RHBDD2: variants seen among roughly 807,000 people sequenced by gnomAD.
RHBDD2 encodes the protein rhomboid domain containing 2.
RHBDD2 carries 13 observed loss-of-function variants against 21.7 expected under a neutral mutation model. The ratio of observed to expected loss-of-function variants is 0.60; its 90% CI spans 0.39 to 0.95. The LOEUF (loss-of-function observed/expected upper bound fraction) is 0.95. RHBDD2 is among the 40% of genes least tolerant of loss of function. The pLI is 0.00. For missense variants in RHBDD2, 473 were observed against 478.9 expected, an observed-to-expected ratio of 0.99 and a Z score of 0.11; for synonymous variants, 225 against 220.0, an observed-to-expected ratio of 1.02 and a Z score of -0.20.
chr7:75,879,108 G>A lies in RHBDD2; in HGVS notation c.26G>A (p.Arg9His). 7.3e-7 allele frequency: 1 copy of A among 1,369,880 alleles called. No homozygotes were observed. Among genetic ancestry groups the A allele is most frequent in the Non-Finnish European group, 9.5e-7 (1 of 1,053,490 alleles). The allele number at this position is 1,369,880 out of a possible 1,614,324, so 84.9% of individuals were successfully genotyped here. The stretch of plus-strand genomic sequence containing the variant: ...ATGGCGGCCTCGGGGCCCGGGTGTC[G>A]CAGCTGGTGCTTGTGTCCCGAGGTG... MAASGPGC[R>H]SWCLCPEVPS... The change falls in exon 1 of 4, where the codon CGC becomes CAC. Residue 9 changes from arginine (R) to histidine (H), a missense_variant. Arg to His is a conservative substitution (Grantham distance 29, BLOSUM62 0). Coordinates refer to ENST00000006777, the MANE Select transcript of RHBDD2 (RefSeq NM_001040456.3).
chr7:75,879,604 C>T (rs782588898), intron 1 of RHBDD2, among the ~76,000 whole-genome samples: 33 of 152,068 alleles, frequency 2.2e-4, no homozygotes, highest in Non-Finnish European at 4.6e-4. Flanking sequence ...TTTCGTCTCC[C>T]CCTCCCATTT....
At chr7:75,884,295 C>T (rs1020669951) in intron 3 of RHBDD2, among the ~76,000 whole-genome samples, 3 of 152,068 alleles carry the variant, frequency 2.0e-5, no homozygotes, top group African/African-American at 7.2e-5. Context: ...GATCATAGCC[C>T]GCTACAGCCT....
At chr7:75,880,904 T>C (rs958623263) in intron 1 of RHBDD2, among the ~76,000 whole-genome samples, 1 of 152,038 alleles carries the variant, frequency 6.6e-6, no homozygotes, top group Non-Finnish European at 1.5e-5. Context: ...TTTTAAATTT[T>C]TTTTAAAGAC....
Position 75,888,271 on chromosome 7 carries a change from T to C in RHBDD2, c.1017T>C (p.Pro339=), listed in dbSNP as rs1358685308. 6.2e-6 allele frequency: 10 copies of C among 1,613,424 alleles called. No individual in the cohort carries two copies. The highest frequency in any genetic ancestry group is 8.5e-6 in the Non-Finnish European group (10 of 1,179,984). ...GIQPPTPVNS[P]GTVYSGALGT... ...AGCCCCCCACGCCTGTGAACAGCCC[T>C]GGCACGGTGTATTCTGGGGCCTTGG... Residue 339 remains proline, a synonymous_variant, in exon 4 of 4, where the codon CCT becomes CCC. Coordinates refer to ENST00000006777, the MANE Select transcript of RHBDD2 (RefSeq NM_001040456.3).
chr7:75,882,547 ACTC>A (rs1442405757), intron 2 of RHBDD2, among the ~76,000 whole-genome samples: 2 of 150,202 alleles, frequency 1.3e-5, no homozygotes, highest in African/African-American at 4.9e-5. Context: ...CTGGTCTTGA[ACTC>A]CTGGTCTCAG....
chr7:75,888,563 C>A lies in RHBDD2; in HGVS notation c.*214C>A. ...CAGATGCAGAAAGCGAGACGTTCTG[C>A]CATCAGATAAAGTCACGTGGCTCTT... On this transcript the variant is annotated 3_prime_UTR_variant, in exon 4 of 4. Transcript: ENST00000006777. 1 of 532,778 alleles carries A rather than the reference C, an allele frequency of 1.9e-6. No homozygotes were observed. Among genetic ancestry groups the A allele is most frequent in the Non-Finnish European group, 3.3e-6 (1 of 300,188 alleles). The allele number at this position is 532,778 out of a possible 1,614,324, so 33.0% of individuals were successfully genotyped here. A position where few individuals can be genotyped will look rare whatever the true frequency, so the allele number is the denominator to read the frequency against.
intron 2 of RHBDD2, 131 bp from the exon 3 acceptor site, chr7:75,883,565 ACT>A (rs1480269409): frequency 1.3e-6 from 1 of 752,644 alleles, no homozygotes; most frequent in East Asian, 2.6e-5. Context: ...TGAGCTGCAA[ACT>A]CCAGCCAGAG....
At chr7:75,887,920 A>G (rs1012261594) in intron 3 of RHBDD2, 72 bp from the exon 4 acceptor site, 45 of 1,332,384 alleles carry the variant, frequency 3.4e-5, no homozygotes, top group East Asian at 4.6e-5. Flanking sequence ...AGCGGGGGCA[A>G]CCTCAAGCAC....
In RHBDD2 at chr7:75,888,570, A is replaced by G. The variant is rs1360739167; in HGVS notation, c.*221A>G. 1.9e-6 allele frequency: 1 copy of G among 526,320 alleles called. No individual in the cohort carries two copies. Among genetic ancestry groups the G allele is most frequent in the African/African-American group, 1.9e-5 (1 of 52,736 alleles). 32.6% of individuals were successfully genotyped at this position (526,320 alleles called of 1,614,324 possible). A position where few individuals can be genotyped will look rare whatever the true frequency, so the allele number is the denominator to read the frequency against. ...AGAAAGCGAGACGTTCTGCCATCAG[A>G]TAAAGTCACGTGGCTCTTTAGTAAC... On this transcript the variant is annotated 3_prime_UTR_variant, in exon 4 of 4. Coordinates refer to ENST00000006777, the MANE Select transcript of RHBDD2 (RefSeq NM_001040456.3).
chr7:75,883,969 A>AC, intron 3 of RHBDD2, 121 bp downstream of exon 3: 1 of 693,516 alleles, frequency 1.4e-6, no homozygotes, highest in Non-Finnish European at 2.3e-6. Flanking sequence ...ATCTCGGCTC[A>AC]CTGCAACCTC....
chr7:75,883,679 C>G lies in RHBDD2; in HGVS notation c.587-19C>G. On this transcript the variant is annotated intron_variant, in intron 2 of 3. Transcript: ENST00000006777. ...CCTCCCTTTGCTGCCTCCAGTTTCA[C>G]TTAACACGCCAACCTCAGATGGCCT... 1.2e-6 allele frequency: 2 copies of G among 1,610,770 alleles called. No homozygotes were observed. Among genetic ancestry groups the G allele is most frequent in the Non-Finnish European group, 1.7e-6 (2 of 1,178,202 alleles).
intron 3 of RHBDD2, among the ~76,000 whole-genome samples, chr7:75,886,325 A>T (rs1307018918): frequency 2.6e-5 from 4 of 152,202 alleles, no homozygotes; most frequent in African/African-American, 9.6e-5. Context: ...GCTTCAGGCA[A>T]GTAATTCCTG....
At chr7:75,883,869 G>C (rs782311390) in intron 3 of RHBDD2, 21 bp downstream of exon 3, 1 of 1,571,604 alleles carries the variant, frequency 6.4e-7, no homozygotes, top group South Asian at 1.2e-5. Flanking sequence ...GAACTCTTAA[G>C]TGCTGTTAAA....
Position 75,879,058 on chromosome 7 carries a change from G to T in RHBDD2, c.-25G>T. Reference sequence around the variant, plus strand: ...CAGAGGACCGGCAGCCGGCGTCGAGGCGGGGCGCGGGAACGACGGCGGCCA... The same window carrying T: ...CAGAGGACCGGCAGCCGGCGTCGAGTCGGGGCGCGGGAACGACGGCGGCCA... On this transcript the variant is annotated 5_prime_UTR_variant, in exon 1 of 4. Coordinates refer to ENST00000006777, the MANE Select transcript of RHBDD2 (RefSeq NM_001040456.3). 7.3e-7 allele frequency: 1 copy of T among 1,367,286 alleles called. No individual in the cohort carries two copies. The highest frequency in any genetic ancestry group is 3.1e-5 in the East Asian group (1 of 32,050). 84.7% of individuals were successfully genotyped at this position (1,367,286 alleles called of 1,614,324 possible).
chr7:75,882,706 TA>T (rs782619074), intron 2 of RHBDD2, among the ~76,000 whole-genome samples: 1 of 152,160 alleles, frequency 6.6e-6, no homozygotes, highest in Non-Finnish European at 1.5e-5. Context: ...AATGCTGTAT[TA>T]GGGGCTCTAG....
chr7:75,887,604 G>A (rs1247016709), intron 3 of RHBDD2, among the ~76,000 whole-genome samples: 1 of 152,092 alleles, frequency 6.6e-6, no homozygotes, highest in Non-Finnish European at 1.5e-5. Flanking sequence ...GATTGCAGGT[G>A]TGAGCCACCA....
chr7:75,884,933 A>C (rs1202513886), intron 3 of RHBDD2, among the ~76,000 whole-genome samples: 5 of 152,080 alleles, frequency 3.3e-5, no homozygotes, highest in Admixed American at 2.6e-4. Context: ...GGCCAACGTG[A>C]TGAAACCCCA....
At position 75,883,739 on chromosome 7, in the gene RHBDD2, G is replaced by A. The variant is rs782273264; in HGVS notation, c.628G>A (p.Val210Met). 2 of 1,613,784 alleles carry A rather than the reference G, an allele frequency of 1.2e-6. No individual in the cohort carries two copies. The highest frequency in any genetic ancestry group is 1.7e-6 in the Non-Finnish European group (2 of 1,179,812). Residue 210 changes from valine (V) to methionine (M), a missense_variant, in exon 3 of 4, where the codon GTG (valine) becomes ATG (methionine). Transcript: ENST00000006777. ...CTATTCCATCGACCTCTCAGAGCGA[G>A]TGGCACTGAAGCTCGATCAGACCTT... ...YCYSIDLSER[V>M]ALKLDQTFPF... is the part of the protein sequence containing the mutation.
Position 75,883,743 on chromosome 7 carries a change from C to G in RHBDD2, c.632C>G (p.Ala211Gly). The G allele has an allele frequency of 6.2e-7, 1 of 1,613,684 alleles. No individual in the cohort carries two copies. The highest frequency in any genetic ancestry group is 8.5e-7 in the Non-Finnish European group (1 of 1,179,720). ...TCCATCGACCTCTCAGAGCGAGTGG[C>G]ACTGAAGCTCGATCAGACCTTCCCC... ...CYSIDLSERV[A>G]LKLDQTFPFS... Residue 211 changes from alanine to glycine, a missense_variant, in exon 3 of 4, where the codon GCA becomes GGA. Ala to Gly is a moderately conservative substitution (Grantham distance 60, BLOSUM62 0). Transcript: ENST00000006777.
Sources: allele counts gnomAD v4.1 joint callset (sites outside exome capture counted in the v4.1 genomes callset), GRCh38; gene constraint gnomAD v4.1.1; transcripts MANE v1.5; gene names NCBI Gene and HGNC (gene_info 2026-07-23, HGNC 2026-07-21).